PKHD1: variants seen among roughly 807,000 people sequenced by gnomAD.
PKHD1 encodes fibrocystin.
PKHD1 carries 291 observed loss-of-function variants against 412.0 expected under a neutral mutation model. That is an observed-to-expected ratio of 0.71 (90% CI 0.64 to 0.78). PKHD1 has a LOEUF of 0.78. PKHD1 is among the 30% of genes least tolerant of loss of function. The probability of loss-of-function intolerance (pLI) is 0.00; values close to 1 mark genes in which losing one functional copy is unlikely to be tolerated. For synonymous variants in PKHD1, 1,777 were observed against 1,821.5 expected (o/e 0.98, Z 0.62); for missense variants, 4,825 against 4,950.7 (o/e 0.97, Z 0.76).
chr6:51,769,028 A>T (rs1271126654), intron 55 of PKHD1, among the ~76,000 whole-genome samples: 1 of 151,640 alleles, frequency 6.6e-6, no homozygotes, highest in Non-Finnish European at 1.5e-5. Context: ...ATTTCATTTC[A>T]AATTATCTTT....
At chr6:51,906,557 G>GA (rs934726842) in intron 40 of PKHD1, among the ~76,000 whole-genome samples, 118 of 141,600 alleles carry the variant, frequency 8.3e-4, no homozygotes, top group East Asian at 1.0e-3. Flanking sequence ...TCAAGTGTTA[G>GA]AAAAAAAAAA....
intron 60 of PKHD1, among the ~76,000 whole-genome samples, chr6:51,689,712 G>A (rs1319898091): frequency 6.6e-6 from 1 of 152,132 alleles, no homozygotes; most frequent in Non-Finnish European, 1.5e-5. Context: ...CAGAGAAGCT[G>A]AAAGCCAAAT....
intron 60 of PKHD1, among the ~76,000 whole-genome samples, chr6:51,688,498 T>C (rs1013166873): frequency 2.7e-5 from 4 of 148,862 alleles, no homozygotes; most frequent in Non-Finnish European, 4.5e-5. Flanking sequence ...CTGAAAGAGA[T>C]AGAAACACAC....
intron 14 of PKHD1, among the ~76,000 whole-genome samples, chr6:52,060,337 C>T (rs151321553): frequency 6.6e-6 from 1 of 152,348 alleles, no homozygotes; most frequent in East Asian, 1.9e-4. Context: ...CCACCTAACA[C>T]AGCTATTGCA....
At chr6:51,654,149 T>C (rs184373948) in intron 61 of PKHD1, among the ~76,000 whole-genome samples, 1 of 152,296 alleles carries the variant, frequency 6.6e-6, no homozygotes, top group African/African-American at 2.4e-5. Context: ...ATTTACAATG[T>C]GCTTAGGCAC....
chr6:52,008,227 C>T (rs904296561), intron 35 of PKHD1, among the ~76,000 whole-genome samples: 3 of 152,182 alleles, frequency 2.0e-5, no homozygotes, highest in African/African-American at 7.2e-5. Context: ...AGATAACTAC[C>T]GGTGTGACCT....
At chr6:51,856,591 C>T (rs2151692785) in intron 48 of PKHD1, among the ~76,000 whole-genome samples, 1 of 152,274 alleles carries the variant, frequency 6.6e-6, no homozygotes, top group South Asian at 2.1e-4. Flanking sequence ...TTGACAGAGG[C>T]CTGGGACCTG....
At chr6:52,008,821 C>G (rs1459384424) in intron 35 of PKHD1, among the ~76,000 whole-genome samples, 1 of 152,056 alleles carries the variant, frequency 6.6e-6, no homozygotes, top group East Asian at 1.9e-4. Context: ...CTAAAGTCCC[C>G]CAAGAAGCAA....
chr6:51,628,576 C>T (rs1296770915), intron 65 of PKHD1, among the ~76,000 whole-genome samples: 1 of 152,108 alleles, frequency 6.6e-6, no homozygotes, highest in Admixed American at 6.6e-5. Flanking sequence ...GATTTATATT[C>T]TTTTGGGTAT....
chr6:51,981,316 C>A lies in PKHD1; in HGVS notation c.5752-21290G>T, dbSNP rs142824851. 2.7e-4 allele frequency among the ~76,000 whole-genome samples: 3 copies of A among 10,934 alleles called. 1 individual carries two copies. 7.2% of individuals were successfully genotyped at this position (10,934 alleles called of 152,430 possible). On this transcript the variant is annotated intron_variant, in intron 35 of 66. Coordinates refer to ENST00000371117, the MANE Select transcript of PKHD1 (RefSeq NM_138694.4). The stretch of plus-strand genomic sequence containing the variant: ...GAGAGGCTCCAAAGCTCAAGCTCTC[C>A]CTCTCCCTCTCCCTCTCCCTCTCCC...
At chr6:51,769,213 A>AGAT (rs1400598603) in intron 55 of PKHD1, among the ~76,000 whole-genome samples, 3 of 151,498 alleles carry the variant, frequency 2.0e-5, no homozygotes, top group Admixed American at 1.3e-4. Flanking sequence ...AACTGGGAAT[A>AGAT]GATTATATAA....
At chr6:51,668,716 T>A (rs993651541) in intron 60 of PKHD1, among the ~76,000 whole-genome samples, 1 of 152,246 alleles carries the variant, frequency 6.6e-6, no homozygotes, top group Non-Finnish European at 1.5e-5. Flanking sequence ...TTGAGATACG[T>A]CCCATCAATA....
intron 53 of PKHD1, among the ~76,000 whole-genome samples, chr6:51,787,787 A>G (rs1326561): frequency 0.59 from 88,732 of 151,626 alleles, 26,682 homozygotes; most frequent in East Asian, 0.83. Context: ...CAAAGGTACA[A>G]ATTTTTCAGT....
intron 57 of PKHD1, among the ~76,000 whole-genome samples, chr6:51,750,096 G>C (rs569987672): frequency 6.6e-6 from 1 of 152,186 alleles, no homozygotes; most frequent in African/African-American, 2.4e-5. Flanking sequence ...TAGAACCCTT[G>C]CAAATCGGCT....
At chr6:52,047,460 C>G (rs900245832) in intron 23 of PKHD1, among the ~76,000 whole-genome samples, 5 of 152,156 alleles carry the variant, frequency 3.3e-5, no homozygotes, top group Admixed American at 1.3e-4. Context: ...TTCTACTGAG[C>G]CTTGCTTCTG....
Position 52,056,692 on chromosome 6 carries a change from C to T in PKHD1, c.1693+6G>A. 6.2e-7 allele frequency: 1 copy of T among 1,603,814 alleles called. No individual in the cohort carries two copies. Among genetic ancestry groups the T allele is most frequent in the Non-Finnish European group, 8.5e-7 (1 of 1,170,646 alleles). On this transcript the variant is annotated splice_donor_region_variant and intron_variant, in intron 18 of 66. Transcript: ENST00000371117. The stretch of plus-strand genomic sequence containing the variant: ...AAGACAATCAGAATGAAGCCACGGA[C>T]AGCACCTCGTTCAAATCCAAGCCGG...
intron 46 of PKHD1, among the ~76,000 whole-genome samples, chr6:51,882,356 G>A (rs1317718082): frequency 6.6e-6 from 1 of 152,132 alleles, no homozygotes; most frequent in Non-Finnish European, 1.5e-5. Context: ...AGCTCAATAA[G>A]AAAATGACTT....
intron 34 of PKHD1, among the ~76,000 whole-genome samples, chr6:52,014,289 T>C (rs963536320): frequency 3.3e-5 from 5 of 152,242 alleles, no homozygotes; most frequent in Non-Finnish European, 7.3e-5. Flanking sequence ...AGAAGCCTCC[T>C]CTGAGTACAC....
At chr6:51,758,864 T>C (rs1222613844) in intron 55 of PKHD1, among the ~76,000 whole-genome samples, 3 of 152,212 alleles carry the variant, frequency 2.0e-5, no homozygotes, top group Non-Finnish European at 4.4e-5. Context: ...AAATTTGATT[T>C]AAAAGTTTTT....
Sources: gnomAD v4.1 joint callset for allele counts (sites outside exome capture counted in the v4.1 genomes callset) on GRCh38, gnomAD v4.1.1 for gene constraint, MANE v1.5 for transcripts, NCBI Gene and HGNC (gene_info 2026-07-23, HGNC 2026-07-21) for gene names.